The following FMN1 variants were observed in gnomAD, a reference collection of about 807,000 sequenced individuals.
The protein encoded by FMN1 is formin-1.
Under a neutral mutation model 132.4 loss-of-function variants are expected in FMN1, and 110 were observed. The ratio of observed to expected loss-of-function variants is 0.83; its 90% confidence interval spans 0.71 to 0.97. FMN1 has a LOEUF of 0.97. FMN1 is among the 50% of genes least tolerant of loss of function. FMN1 has a pLI of 0.00. For synonymous variants in FMN1, 722 were observed against 651.7 expected (o/e 1.11, Z -1.64); for missense variants, 1,792 against 1,705.3 (o/e 1.05, Z -0.90).
intron 6 of FMN1, among the ~76,000 whole-genome samples, chr15:33,019,363 C>T (rs1307880362): frequency 1.3e-5 from 2 of 152,150 alleles, no homozygotes; most frequent in East Asian, 3.9e-4. Flanking sequence ...ATTCACAATC[C>T]CTTAGCCAGA....
chr15:32,888,775 C>T (rs1238737264), intron 15 of FMN1, among the ~76,000 whole-genome samples: 1 of 152,120 alleles, frequency 6.6e-6, no homozygotes, highest in East Asian at 1.9e-4. Context: ...CCTTTCCTCA[C>T]CTTTCTCTGT....
intron 17 of FMN1, among the ~76,000 whole-genome samples, chr15:32,842,541 T>C (rs894159808): frequency 3.3e-5 from 5 of 152,238 alleles, no homozygotes; most frequent in Non-Finnish European, 7.3e-5. Flanking sequence ...CACTGGCAAA[T>C]ATAAGTTCCA....
At chr15:32,792,883 G>A (rs866963649) in intron 19 of FMN1, among the ~76,000 whole-genome samples, 1 of 152,148 alleles carries the variant, frequency 6.6e-6, no homozygotes, top group African/African-American at 2.4e-5. Context: ...GAAGAAAACT[G>A]GGTTCCTGAC....
intron 4 of FMN1, among the ~76,000 whole-genome samples, chr15:33,138,308 C>T (rs562070567): frequency 3.3e-5 from 5 of 152,178 alleles, no homozygotes; most frequent in Non-Finnish European, 7.4e-5. Context: ...AATGTATCAC[C>T]GACTCTTGGC....
At position 32,809,892 on chromosome 15, in the gene FMN1, AC is replaced by A. The variant is rs535682766; in HGVS notation, c.3929-5561del. On this transcript the variant is annotated intron_variant, in intron 17 of 20. Coordinates refer to ENST00000616417, the MANE Select transcript of FMN1 (RefSeq NM_001277313.2). ...ATCTGTTTTCAGAGTTTTTCTCTCAACTATTACCTAGCAGGTACTCAAATAC... is the reference window on the plus strand; with the variant it reads ...ATCTGTTTTCAGAGTTTTTCTCTCAATATTACCTAGCAGGTACTCAAATAC... 1.4e-4 allele frequency among the ~76,000 whole-genome samples: 21 copies of A among 152,098 alleles called. No individual in the cohort carries two copies. The East Asian group carries it at 4.1e-3, about 29-fold the overall frequency.
intron 15 of FMN1, among the ~76,000 whole-genome samples, chr15:32,888,730 G>C (rs867908087): frequency 6.6e-6 from 1 of 152,084 alleles, no homozygotes; most frequent in African/African-American, 2.4e-5. Context: ...GGATAAGAAG[G>C]CACTGCAATG....
intron 6 of FMN1, among the ~76,000 whole-genome samples, chr15:33,023,059 C>CAAAAA (rs758459713): frequency 3.4e-3 from 179 of 53,150 alleles, no homozygotes; most frequent in African/African-American, 6.0e-3. Flanking sequence ...CTCCCCCACC[C>CAAAAA]AAAAAAAAAA....
intron 16 of FMN1, among the ~76,000 whole-genome samples, chr15:32,866,222 T>C (rs1298282940): frequency 1.5e-5 from 2 of 129,276 alleles, no homozygotes; most frequent in African/African-American, 6.9e-5. Flanking sequence ...GAACTTAAAG[T>C]ATAATAAAAA....
chr15:32,888,098 C>A, intron 16 of FMN1, 74 bp downstream of exon 16: 2 of 1,332,510 alleles, frequency 1.5e-6, no homozygotes, highest in South Asian at 1.5e-5. Context: ...TGAACCAGAC[C>A]TAAATAATCC....
chr15:32,885,822 A>G (rs977339892), intron 16 of FMN1, among the ~76,000 whole-genome samples: 1 of 150,846 alleles, frequency 6.6e-6, no homozygotes, highest in Non-Finnish European at 1.5e-5. Flanking sequence ...TTTTTTTTTA[A>G]AAGACTCTGC....
chr15:33,131,896 T>TA (rs1481511965), intron 4 of FMN1, among the ~76,000 whole-genome samples: 1 of 152,174 alleles, frequency 6.6e-6, no homozygotes, highest in African/African-American at 2.4e-5. Flanking sequence ...CAAAGAAAGA[T>TA]ACTAGTCTGA....
chr15:32,858,571 A>G (rs1011044665), intron 16 of FMN1, among the ~76,000 whole-genome samples: 4 of 152,230 alleles, frequency 2.6e-5, no homozygotes, highest in African/African-American at 9.6e-5. Flanking sequence ...TTTCTTAAAG[A>G]GTTTTTATAG....
intron 4 of FMN1, among the ~76,000 whole-genome samples, chr15:33,118,863 T>C (rs1962280870): frequency 6.6e-6 from 1 of 151,862 alleles, no homozygotes; most frequent in African/African-American, 2.4e-5. Context: ...CTCCAAAGTC[T>C]TTATGAAGAA....
intron 3 of FMN1, among the ~76,000 whole-genome samples, chr15:33,170,867 C>T (rs1277180446): frequency 6.6e-6 from 1 of 151,958 alleles, no homozygotes; most frequent in Non-Finnish European, 1.5e-5. Flanking sequence ...AATTCCAATC[C>T]CACTACTAGG....
intron 5 of FMN1, chr15:33,067,592 G>C (rs765618409): frequency 6.2e-7 from 1 of 1,613,810 alleles, no homozygotes; most frequent in Non-Finnish European, 8.5e-7. Flanking sequence ...CTCCACGCTT[G>C]CAATTTTCTC....
At chr15:33,050,487 A>G (rs2036919062) in intron 6 of FMN1, among the ~76,000 whole-genome samples, 2 of 152,336 alleles carry the variant, frequency 1.3e-5, no homozygotes, top group Middle Eastern at 3.4e-3. Flanking sequence ...CAGGAAGCTC[A>G]TAAGAAATCC....
intron 19 of FMN1, among the ~76,000 whole-genome samples, chr15:32,788,021 T>TCAGC (rs2140926381): frequency 6.7e-6 from 1 of 149,752 alleles, no homozygotes; most frequent in East Asian, 2.0e-4. Flanking sequence ...GCTACACAGA[T>TCAGC]CAGCCACTTC....
chr15:32,888,346 T>G, intron 15 of FMN1, 54 bp from the exon 16 acceptor site: 1 of 1,485,540 alleles, frequency 6.7e-7, no homozygotes, highest in East Asian at 2.3e-5. Flanking sequence ...TCACTTTCAG[T>G]TGAAATTCCA....
intron 6 of FMN1, among the ~76,000 whole-genome samples, chr15:33,058,835 G>C (rs2037353719): frequency 6.6e-6 from 1 of 152,192 alleles, no homozygotes; most frequent in South Asian, 2.1e-4. Context: ...GGCATACCAT[G>C]TGGTATGATT....
Sources: gnomAD v4.1 joint callset for allele counts (sites outside exome capture counted in the v4.1 genomes callset) on GRCh38, gnomAD v4.1.1 for gene constraint, MANE v1.5 for transcripts, NCBI Gene and HGNC (gene_info 2026-07-23, HGNC 2026-07-21) for gene names.